DLC1: variants seen among roughly 807,000 people sequenced by gnomAD.
DLC1 encodes the protein DLC1 Rho GTPase activating protein.
In DLC1, 54 loss-of-function variants were observed where a neutral mutation model predicts 140.3. The observed-to-expected ratio is 0.38, with a 90% CI of 0.31 to 0.48. The LOEUF (loss-of-function observed/expected upper bound fraction) is 0.48, where lower values mean the gene tolerates loss of function less well. DLC1 is among the 20% of genes least tolerant of loss of function. DLC1 has a pLI of 0.96. For missense variants in DLC1, 2,536 were observed against 1,907.0 expected, an observed-to-expected ratio of 1.33 and a Z score of -6.14; for synonymous variants, 986 against 728.1, an observed-to-expected ratio of 1.35 and a Z score of -5.70.
chr8:13,451,037 C>CAAAAAAAAAA lies in DLC1; in HGVS notation c.1023+48002_1023+48011dup, dbSNP rs1169620786. ...CTGGTGATAGAGTGAGACTCCGTCT[C>CAAAAAAAAAA]AAAAAAAAAAAAAAAAAAAAAAAAA... On this transcript the variant is annotated intron_variant, in intron 2 of 17. Coordinates refer to ENST00000276297, the MANE Select transcript of DLC1 (RefSeq NM_182643.3). Among the ~76,000 whole-genome samples, 126 of 18,370 alleles carry CAAAAAAAAAA rather than the reference C, an allele frequency of 6.9e-3. 11 individuals carry two copies. Among genetic ancestry groups the CAAAAAAAAAA allele is most frequent in the Non-Finnish European group, 9.6e-3 (69 of 7,206 alleles). 12.1% of individuals were successfully genotyped at this position (18,370 alleles called of 152,430 possible).
intron 1 of DLC1, among the ~76,000 whole-genome samples, chr8:13,543,758 G>C (rs1256283859): frequency 1.3e-5 from 2 of 152,132 alleles, no homozygotes; most frequent in Non-Finnish European, 2.9e-5. Flanking sequence ...ATCAAATACT[G>C]TATGTTCTCA....
chr8:13,416,921 C>G (rs77868426), intron 2 of DLC1, among the ~76,000 whole-genome samples: 6,699 of 152,052 alleles, frequency 0.044, 201 homozygotes, highest in Non-Finnish European at 0.066. Flanking sequence ...CTCCTTTATG[C>G]CCTCACATAT....
chr8:13,126,556 C>A (rs1327158287), intron 5 of DLC1, among the ~76,000 whole-genome samples: 1 of 152,160 alleles, frequency 6.6e-6, no homozygotes, highest in East Asian at 1.9e-4. Context: ...CTAATTAATA[C>A]AGTTTTAAAG....
chr8:13,174,505 C>A (rs1825660208), intron 5 of DLC1, among the ~76,000 whole-genome samples: 1 of 152,200 alleles, frequency 6.6e-6, no homozygotes, highest in Non-Finnish European at 1.5e-5. Context: ...GTTTCCTTTT[C>A]TCTGCAGCCT....
chr8:13,491,909 T>C (rs184704603), intron 2 of DLC1, among the ~76,000 whole-genome samples: 9 of 152,308 alleles, frequency 5.9e-5, no homozygotes, highest in African/African-American at 2.2e-4. Context: ...CGTTCTAGCA[T>C]TTATGAACAG....
chr8:13,233,931 C>T (rs1169161407), intron 5 of DLC1, among the ~76,000 whole-genome samples: 2 of 152,158 alleles, frequency 1.3e-5, no homozygotes, highest in African/African-American at 4.8e-5. Flanking sequence ...GCTAGTATAA[C>T]ATTAAATGTC....
chr8:13,115,261 A>G (rs1015173342), intron 6 of DLC1, among the ~76,000 whole-genome samples: 1 of 152,208 alleles, frequency 6.6e-6, no homozygotes, highest in Non-Finnish European at 1.5e-5. Flanking sequence ...CCCTTTTTAT[A>G]AACGTAAAAA....
At chr8:13,473,649 T>C (rs999398593) in intron 2 of DLC1, among the ~76,000 whole-genome samples, 1 of 152,150 alleles carries the variant, frequency 6.6e-6, no homozygotes, top group Admixed American at 6.5e-5. Flanking sequence ...AAAATGCTGA[T>C]AGTAATATGG....
At chr8:13,291,480 G>C (rs1309005286) in intron 5 of DLC1, among the ~76,000 whole-genome samples, 1 of 152,110 alleles carries the variant, frequency 6.6e-6, no homozygotes, top group Non-Finnish European at 1.5e-5. Context: ...AATGGGAAGA[G>C]AAAGACCAAT....
At position 13,296,538 on chromosome 8, in the gene DLC1, G is replaced by T. The variant is rs144219646; in HGVS notation, c.1348+8731C>A. 1.9e-3 allele frequency among the ~76,000 whole-genome samples: 283 copies of T among 152,242 alleles called. 1 individual carries two copies. Among genetic ancestry groups the T allele is most frequent in the Non-Finnish European group, 2.5e-3 (172 of 68,010 alleles). On this transcript the variant is annotated intron_variant, in intron 5 of 17. Transcript: ENST00000276297. ...AGTCATTTTAGAAGGAGAAATAAAAGTCCATCAAATATTATGAAAAGTCCT... is the reference window on the plus strand; with the variant it reads ...AGTCATTTTAGAAGGAGAAATAAAATTCCATCAAATATTATGAAAAGTCCT...
At chr8:13,181,175 C>A (rs1200380586) in intron 5 of DLC1, among the ~76,000 whole-genome samples, 1 of 152,048 alleles carries the variant, frequency 6.6e-6, no homozygotes, top group Non-Finnish European at 1.5e-5. Context: ...ACAAAAGGGA[C>A]CTGAGATTTG....
At chr8:13,383,805 T>G (rs1397442961) in intron 4 of DLC1, among the ~76,000 whole-genome samples, 1 of 152,170 alleles carries the variant, frequency 6.6e-6, no homozygotes. Flanking sequence ...AACACCAATA[T>G]TTCAGCCACA....
intron 5 of DLC1, among the ~76,000 whole-genome samples, chr8:13,257,753 C>T (rs1175929084): frequency 6.6e-6 from 1 of 151,712 alleles, no homozygotes; most frequent in South Asian, 2.1e-4. Context: ...ACAATAAAGT[C>T]TGTGGGAAAC....
At chr8:13,140,243 T>A (rs1479147564) in intron 5 of DLC1, among the ~76,000 whole-genome samples, 1 of 152,220 alleles carries the variant, frequency 6.6e-6, no homozygotes, top group Non-Finnish European at 1.5e-5. Flanking sequence ...TCTATCTATA[T>A]ATTTTTCCAG....
intron 4 of DLC1, among the ~76,000 whole-genome samples, chr8:13,385,249 A>G (rs1198494661): frequency 2.6e-5 from 4 of 152,230 alleles, no homozygotes; most frequent in Non-Finnish European, 5.9e-5. Context: ...CAAAATGAAT[A>G]AAGAAAACAA....
intron 2 of DLC1, among the ~76,000 whole-genome samples, chr8:13,439,986 A>G (rs1798417679): frequency 6.6e-6 from 1 of 152,188 alleles, no homozygotes; most frequent in South Asian, 2.1e-4. Flanking sequence ...AAAATAGTTA[A>G]GTGTTCCTCA....
At chr8:13,208,136 T>C (rs1827764702) in intron 5 of DLC1, among the ~76,000 whole-genome samples, 1 of 152,224 alleles carries the variant, frequency 6.6e-6, no homozygotes, top group Non-Finnish European at 1.5e-5. Context: ...CACATGTATA[T>C]ATCTTTAAGG....
At position 13,581,872 on chromosome 8, in the gene DLC1, ACTTACTG is replaced by A. The variant is rs373480139; in HGVS notation, c.-126+22658_-126+22664del. ...GGTTTTGTTTTCCTATCTAAAAAAG[ACTTACTG>A]TAGTTCATGCAATCTGAAGTCCACG... On this transcript the variant is annotated intron_variant, in intron 1 of 1. Transcript: ENST00000631382. 6.1e-3 allele frequency among the ~76,000 whole-genome samples: 929 copies of A among 152,250 alleles called. 10 individuals are homozygous for A. Among genetic ancestry groups the A allele is most frequent in the African/African-American group, 0.021 (875 of 41,518 alleles).
chr8:13,387,726 G>A (rs1428128829), intron 4 of DLC1, among the ~76,000 whole-genome samples: 1 of 152,054 alleles, frequency 6.6e-6, no homozygotes, highest in Non-Finnish European at 1.5e-5. Flanking sequence ...TTTCATAGAA[G>A]AATCAGTTTT....
Sources: gnomAD v4.1 joint callset for allele counts (sites outside exome capture counted in the v4.1 genomes callset) on GRCh38, gnomAD v4.1.1 for gene constraint, MANE v1.5 for transcripts, NCBI Gene and HGNC (gene_info 2026-07-23, HGNC 2026-07-21) for gene names.